SPRED1: variants seen among roughly 807,000 people sequenced by gnomAD.
The protein encoded by SPRED1 is sprouty-related, EVH1 domain-containing protein 1.
A neutral mutation model predicts 52.3 loss-of-function variants in SPRED1; 18 were observed. The ratio of observed to expected loss-of-function variants is 0.34; its 90% CI spans 0.24 to 0.51. The LOEUF is 0.51. Ranked by LOEUF, SPRED1 falls within the 20% of genes least tolerant of loss-of-function variation. The pLI is 0.97. For synonymous variants in SPRED1, 155 were observed against 179.7 expected (o/e 0.86, Z 1.10); for missense variants, 485 against 551.0 (o/e 0.88, Z 1.20).
Position 38,351,609 on chromosome 15 carries a change from A to T in SPRED1, c.1280A>T (p.His427Leu). 1 of 1,614,124 alleles carries T rather than the reference A, an allele frequency of 6.2e-7. No individual in the cohort carries two copies. The change falls in exon 7 of 7, where the codon CAT (histidine) becomes CTT (leucine). Residue 427 changes from histidine (H) to leucine (L), a missense_variant. By Grantham distance (99) the His-to-Leu change is moderately conservative. Transcript: ENST00000299084. The stretch of plus-strand genomic sequence containing the variant: ...TGCTACGTCCCTTTGAGAATGTGCC[A>T]TCGCTGTGGTGAGGCATGTGGTTGC... The part of the protein sequence containing the change: ...MCCYVPLRMC[H>L]RCGEACGCCG...
chr15:38,350,507 G>A (rs1449676690), intron 6 of SPRED1, among the ~76,000 whole-genome samples: 27 of 152,140 alleles, frequency 1.8e-4, no homozygotes, highest in Non-Finnish European at 2.4e-4. Context: ...ATAACATTTT[G>A]TCCTTTGTTC....
intron 1 of SPRED1, among the ~76,000 whole-genome samples, chr15:38,271,021 A>C (rs369718130): frequency 4.6e-5 from 7 of 152,094 alleles, no homozygotes; most frequent in Non-Finnish European, 1.0e-4. Context: ...CCTTTTAGAC[A>C]CTGGGTTTTT....
chr15:38,299,457 A>G lies in SPRED1; in HGVS notation c.117A>G (p.Leu39=). Residue 39 remains leucine, a synonymous_variant, in exon 2 of 7, where the codon CTA becomes CTG. Coordinates refer to ENST00000299084, the MANE Select transcript of SPRED1 (RefSeq NM_152594.3). ...GGWLPLGGSG[L]SSVTVFKVPH... ...GGTTACCACTTGGAGGGAGTGGACTAAGCAGCGTCACTGTCTTCAAAGTCC... is the reference window on the plus strand; with the variant it reads ...GGTTACCACTTGGAGGGAGTGGACTGAGCAGCGTCACTGTCTTCAAAGTCC... The G allele has an allele frequency of 6.2e-7, 1 of 1,614,028 alleles. No individual in the cohort carries two copies. The highest frequency in any genetic ancestry group is 8.5e-7 in the Non-Finnish European group (1 of 1,179,948).
chr15:38,346,517 G>A (rs568810347), intron 5 of SPRED1, among the ~76,000 whole-genome samples: 131 of 152,192 alleles, frequency 8.6e-4, no homozygotes, highest in African/African-American at 2.7e-3. Flanking sequence ...GAGAAACCAC[G>A]AAACAACTTA....
At chr15:38,269,032 C>A (rs1012591879) in intron 1 of SPRED1, among the ~76,000 whole-genome samples, 1 of 151,364 alleles carries the variant, frequency 6.6e-6, no homozygotes, top group East Asian at 2.0e-4. Flanking sequence ...CCCCGCTTCC[C>A]GGGTTCACGC....
chr15:38,265,488 T>G (rs778000294), intron 1 of SPRED1, among the ~76,000 whole-genome samples: 5 of 151,294 alleles, frequency 3.3e-5, no homozygotes, highest in African/African-American at 1.2e-4. Context: ...TCAGAAAAAC[T>G]TAAAATCTAA....
intron 2 of SPRED1, among the ~76,000 whole-genome samples, chr15:38,319,934 A>G (rs766814176): frequency 6.6e-6 from 1 of 152,194 alleles, no homozygotes; most frequent in Non-Finnish European, 1.5e-5. Flanking sequence ...GGCTGCTTTT[A>G]CTCAACATGC....
At chr15:38,263,822 A>G (rs1894250821) in intron 1 of SPRED1, among the ~76,000 whole-genome samples, 1 of 152,188 alleles carries the variant, frequency 6.6e-6, no homozygotes, top group Non-Finnish European at 1.5e-5. Flanking sequence ...AAAAAAAACG[A>G]ATCACAAAAA....
At chr15:38,290,086 G>A (rs62003520) in intron 1 of SPRED1, among the ~76,000 whole-genome samples, 125,451 of 152,062 alleles carry the variant, frequency 0.82, 52,505 homozygotes, top group Non-Finnish European at 0.9. Context: ...CCAACTATAG[G>A]ATGATTTTAA....
chr15:38,285,276 A>T (rs1335089994), intron 1 of SPRED1, among the ~76,000 whole-genome samples: 1 of 152,212 alleles, frequency 6.6e-6, no homozygotes, highest in Non-Finnish European at 1.5e-5. Flanking sequence ...CAAAACAAAG[A>T]TCTTTGAGTT....
chr15:38,323,874 C>T (rs1191494957), intron 3 of SPRED1, among the ~76,000 whole-genome samples: 2 of 152,086 alleles, frequency 1.3e-5, no homozygotes, highest in African/African-American at 2.4e-5. Context: ...AACAGTATAC[C>T]TCTTTCACTA....
At chr15:38,289,417 T>C (rs1430399678) in intron 1 of SPRED1, among the ~76,000 whole-genome samples, 1 of 152,126 alleles carries the variant, frequency 6.6e-6, no homozygotes, top group East Asian at 1.9e-4. Context: ...ACCTTTTTTT[T>C]TTTTCCTGTT....
intron 1 of SPRED1, among the ~76,000 whole-genome samples, chr15:38,277,512 G>A (rs1461273093): frequency 6.6e-6 from 1 of 152,082 alleles, no homozygotes; most frequent in Non-Finnish European, 1.5e-5. Context: ...TCTTTATCCA[G>A]TCTGCCATTG....
chr15:38,342,043 TCC>T (rs71418804), intron 5 of SPRED1, among the ~76,000 whole-genome samples: 10,265 of 120,692 alleles, frequency 0.085, 681 homozygotes, highest in East Asian at 0.28. Context: ...TTTTTTTTTT[TCC>T]CCCAGGGTGT....
intron 1 of SPRED1, among the ~76,000 whole-genome samples, chr15:38,294,682 CA>C (rs969989894): frequency 2.0e-5 from 3 of 151,876 alleles, no homozygotes; most frequent in African/African-American, 7.3e-5. Context: ...AACAGTCGAC[CA>C]AAACAATATA....
rs901153812 is a variant in SPRED1 at position 38,355,434 on chromosome 15, C to G, written c.*3770C>G. 1 of 152,112 alleles carries G rather than the reference C, an allele frequency of 6.6e-6. No individual in the cohort carries two copies. Among genetic ancestry groups the G allele is most frequent in the African/African-American group, 2.4e-5 (1 of 41,426 alleles). The allele number at this position is 152,112 out of a possible 1,614,324, so 9.4% of individuals were successfully genotyped here. On this transcript the variant is annotated 3_prime_UTR_variant, in exon 7 of 7. Transcript: ENST00000299084. ...ATATCTTGGGTAAGTCTTGCTTTTT[C>G]TTTTCTTTTTCCTCTCCCCTGCCCC...
chr15:38,297,932 A>G (rs1895071743), intron 1 of SPRED1, among the ~76,000 whole-genome samples: 1 of 152,192 alleles, frequency 6.6e-6, no homozygotes, highest in Non-Finnish European at 1.5e-5. Context: ...TTGACTCTAG[A>G]ATTCTCACTC....
intron 1 of SPRED1, among the ~76,000 whole-genome samples, chr15:38,268,980 G>A (rs1221890186): frequency 2.1e-5 from 3 of 142,488 alleles, no homozygotes; most frequent in East Asian, 2.1e-4. Flanking sequence ...CCGCTCCGTC[G>A]CCTAGGCTGG....
intron 1 of SPRED1, among the ~76,000 whole-genome samples, chr15:38,255,592 C>T (rs1230217859): frequency 6.6e-6 from 1 of 152,114 alleles, no homozygotes; most frequent in Non-Finnish European, 1.5e-5. Flanking sequence ...AGATAAACCA[C>T]AGAGTGAACT....
Sources: allele counts gnomAD v4.1 joint callset (sites outside exome capture counted in the v4.1 genomes callset), GRCh38; gene constraint gnomAD v4.1.1; transcripts MANE v1.5; gene names NCBI Gene and HGNC (gene_info 2026-07-23, HGNC 2026-07-21).